RBFOX1: variants seen among roughly 807,000 people sequenced by gnomAD.
The protein encoded by RBFOX1 is RNA binding fox-1 homolog 1.
RBFOX1 carries 8 observed loss-of-function variants against 57.7 expected under a neutral mutation model. The ratio of observed to expected loss-of-function variants is 0.14; its 90% CI spans 0.08 to 0.25. The LOEUF is 0.25. Ranked by LOEUF, RBFOX1 falls within the 10% of genes least tolerant of loss-of-function variation. RBFOX1 has a pLI of 1.00. For missense variants in RBFOX1, 611 were observed against 548.5 expected, an observed-to-expected ratio of 1.11 and a Z score of -1.14; for synonymous variants, 326 against 222.4, an observed-to-expected ratio of 1.47 and a Z score of -4.15.
At chr16:7,082,473 T>C (rs917484133) in intron 4 of RBFOX1, among the ~76,000 whole-genome samples, 5 of 151,658 alleles carry the variant, frequency 3.3e-5, no homozygotes, top group Admixed American at 2.0e-4. Context: ...TCCCAGCTAC[T>C]TGGGAGGCTG....
At chr16:5,320,012 G>A (rs1431824381) in intron 1 of RBFOX1, among the ~76,000 whole-genome samples, 1 of 152,212 alleles carries the variant, frequency 6.6e-6, no homozygotes, top group Non-Finnish European at 1.5e-5. Flanking sequence ...CTTACTACAA[G>A]GGAGGCTGGG....
At chr16:5,824,405 C>G (rs1024941002) in intron 3 of RBFOX1, among the ~76,000 whole-genome samples, 2 of 152,086 alleles carry the variant, frequency 1.3e-5, no homozygotes, top group African/African-American at 2.4e-5. Flanking sequence ...AGACAGTGTC[C>G]CAGTATCCAG....
intron 5 of RBFOX1, among the ~76,000 whole-genome samples, chr16:7,535,434 G>T (rs1427031534): frequency 2.0e-5 from 3 of 152,228 alleles, no homozygotes; most frequent in Admixed American, 2.0e-4. Flanking sequence ...ACTCAGAGAT[G>T]CAAACAGTGT....
intron 4 of RBFOX1, among the ~76,000 whole-genome samples, chr16:5,875,125 C>T (rs565349635): frequency 1.3e-5 from 2 of 152,302 alleles, no homozygotes; most frequent in South Asian, 4.1e-4. Flanking sequence ...CCCATAGCAA[C>T]AGCAGCAGCA....
intron 4 of RBFOX1, among the ~76,000 whole-genome samples, chr16:7,167,436 G>A (rs777632172): frequency 3.5e-4 from 53 of 152,162 alleles, no homozygotes; most frequent in Middle Eastern, 6.8e-3. Context: ...AGAAGGCCAC[G>A]TGAAGACCAA....
intron 4 of RBFOX1, among the ~76,000 whole-genome samples, chr16:7,296,512 C>T (rs1317540294): frequency 2.0e-5 from 3 of 152,024 alleles, no homozygotes; most frequent in African/African-American, 2.4e-5. Context: ...CTACCATTGG[C>T]CCCATTTTAC....
chr16:7,702,455 T>A (rs567523447), intron 14 of RBFOX1, among the ~76,000 whole-genome samples: 2 of 152,326 alleles, frequency 1.3e-5, no homozygotes, highest in South Asian at 4.1e-4. Flanking sequence ...GAGATCTTAC[T>A]GTTTTGCTGC....
intron 4 of RBFOX1, among the ~76,000 whole-genome samples, chr16:5,988,451 T>C (rs2060323557): frequency 6.6e-6 from 1 of 152,230 alleles, no homozygotes; most frequent in African/African-American, 2.4e-5. Context: ...GCAGGTGCTC[T>C]CTGATTGGGA....
intron 5 of RBFOX1, among the ~76,000 whole-genome samples, chr16:7,518,932 A>C (rs1342849465): frequency 2.0e-5 from 3 of 152,176 alleles, no homozygotes; most frequent in Non-Finnish European, 4.4e-5. Context: ...CTGAGGTGGG[A>C]GGATGGCTTG....
intron 1 of RBFOX1, among the ~76,000 whole-genome samples, chr16:5,248,602 G>A (rs978955441): frequency 2.6e-5 from 4 of 152,176 alleles, no homozygotes; most frequent in African/African-American, 9.7e-5. Context: ...GCCGTGGAGC[G>A]CTTGGGGGGT....
At chr16:7,398,621 A>C (rs60194228) in intron 4 of RBFOX1, among the ~76,000 whole-genome samples, 1 of 152,166 alleles carries the variant, frequency 6.6e-6, no homozygotes, top group Non-Finnish European at 1.5e-5. Flanking sequence ...CTAGGCAAGA[A>C]ATTATTCTCT....
At chr16:7,356,079 G>A (rs984450988) in intron 4 of RBFOX1, among the ~76,000 whole-genome samples, 1 of 152,182 alleles carries the variant, frequency 6.6e-6, no homozygotes, top group African/African-American at 2.4e-5. Flanking sequence ...TCCAATACCT[G>A]GTGCTCCAAT....
intron 4 of RBFOX1, among the ~76,000 whole-genome samples, chr16:7,297,816 A>G (rs2095930675): frequency 1.3e-5 from 2 of 152,136 alleles, no homozygotes; most frequent in African/African-American, 4.8e-5. Context: ...GTAAAAATTG[A>G]AATCCCCCCC....
At chr16:7,090,157 A>T (rs1390376688) in intron 4 of RBFOX1, among the ~76,000 whole-genome samples, 4 of 152,204 alleles carry the variant, frequency 2.6e-5, no homozygotes, top group Admixed American at 1.3e-4. Flanking sequence ...CCTCAGCTAC[A>T]TTGATGTGTG....
At chr16:5,490,609 G>T in intron 2 of RBFOX1, among the ~76,000 whole-genome samples, 1 of 152,138 alleles carries the variant, frequency 6.6e-6, no homozygotes, top group South Asian at 2.1e-4. Flanking sequence ...GATGAGTGTG[G>T]CCCAGCCCTG....
chr16:5,837,252 G>GTT (rs112626364), intron 3 of RBFOX1, among the ~76,000 whole-genome samples: 6 of 145,328 alleles, frequency 4.1e-5, no homozygotes, highest in African/African-American at 1.5e-4. Context: ...ACTTTTCTCA[G>GTT]TTTTTTTTTT....
chr16:6,266,836 A>C (rs570853886), intron 1 of RBFOX1, among the ~76,000 whole-genome samples: 9 of 152,134 alleles, frequency 5.9e-5, no homozygotes, highest in Non-Finnish European at 1.2e-4. Context: ...GCATTCCCTC[A>C]TAATTAGTTT....
intron 4 of RBFOX1, among the ~76,000 whole-genome samples, chr16:5,903,972 C>T (rs368755768): frequency 8.5e-5 from 13 of 152,250 alleles, no homozygotes; most frequent in East Asian, 7.7e-4. Flanking sequence ...ATGTCACCTT[C>T]GGGCAAAATA....
chr16:5,356,059 C>G (rs188201963), intron 1 of RBFOX1, among the ~76,000 whole-genome samples: 4 of 152,300 alleles, frequency 2.6e-5, no homozygotes, highest in African/African-American at 9.6e-5. Context: ...CCACTGCACT[C>G]CACCCTGGGT....
Sources: allele counts gnomAD v4.1 joint callset (sites outside exome capture counted in the v4.1 genomes callset), GRCh38; gene constraint gnomAD v4.1.1; transcripts MANE v1.5; gene names NCBI Gene and HGNC (gene_info 2026-07-23, HGNC 2026-07-21).